Variants in SLC9A1 observed in about 807,000 individuals in gnomAD.
The protein encoded by SLC9A1 is solute carrier family 9 member A1.
Under a neutral mutation model 67.9 loss-of-function variants are expected in SLC9A1, and 22 were observed. The ratio of observed to expected loss-of-function variants is 0.32; its 90% CI spans 0.23 to 0.46. SLC9A1 has a LOEUF of 0.46. Among genes scored for constraint, SLC9A1 ranks in the 20% least tolerant of loss-of-function variants. SLC9A1 has a pLI of 1.00. For missense variants in SLC9A1, 686 were observed against 1,094.8 expected, an observed-to-expected ratio of 0.63 and a Z score of 5.27; for synonymous variants, 421 against 471.8, an observed-to-expected ratio of 0.89 and a Z score of 1.40.
chr1:27,147,615 C>T (rs2083496835), intron 1 of SLC9A1, among the ~76,000 whole-genome samples: 5 of 151,978 alleles, frequency 3.3e-5, no homozygotes, highest in Admixed American at 3.3e-4. Flanking sequence ...CCAGCCTGGA[C>T]AACAAAATTG....
chr1:27,147,299 CAAAAAAAAAAA>C (rs57583944), intron 1 of SLC9A1, among the ~76,000 whole-genome samples: 1 of 43,958 alleles, frequency 2.3e-5, no homozygotes, highest in Non-Finnish European at 4.0e-5. Context: ...GACTCTGTCT[CAAAAAAAAAAA>C]AAAAAAAAAA....
intron 2 of SLC9A1, among the ~76,000 whole-genome samples, chr1:27,112,552 G>A (rs2083235523): frequency 6.6e-6 from 1 of 152,186 alleles, no homozygotes; most frequent in Non-Finnish European, 1.5e-5. Context: ...TGCAGACCCT[G>A]GAGGAAAGCA....
rs1467853276 is a variant in SLC9A1, at chr1:27,114,656, G to A, written c.353-370C>T. On this transcript the variant is annotated intron_variant, in intron 1 of 11. Transcript: ENST00000263980. This position sits in a 1 kb window ranked among gnomAD's most constrained non-coding sequence, Gnocchi z 5.4. ...CCAAGTACCTACGGGCATCACCTAC[G>A]CCTGAACCCAAGGCATTATTCCAGG... 1.3e-5 allele frequency among the ~76,000 whole-genome samples: 2 copies of A among 152,146 alleles called. No homozygotes were observed. The highest frequency in any genetic ancestry group is 1.5e-5 in the Non-Finnish European group (1 of 68,038).
chr1:27,140,829 A>G (rs1256884146), intron 1 of SLC9A1, among the ~76,000 whole-genome samples: 1 of 152,172 alleles, frequency 6.6e-6, no homozygotes, highest in Non-Finnish European at 1.5e-5. Flanking sequence ...AATGTTATGT[A>G]GGAGAAATGG....
In SLC9A1 at chr1:27,154,248, C is replaced by A; in HGVS notation, c.87G>T (p.Leu29=). 6.2e-7 allele frequency: 1 copy of A among 1,613,916 alleles called. No individual in the cohort carries two copies. Among genetic ancestry groups the A allele is most frequent in the South Asian group, 1.1e-5 (1 of 91,038 alleles). The part of the protein sequence containing the change: ...LLVVVALVGL[L]PVLRSHGLQL... ...GGAGGCCATGGCTCCTGAGAACAGG[C>A]AGCAGCCCCACCAAAGCAACCACCA... is the stretch of plus-strand genomic sequence containing the variant. The change falls in exon 1 of 12, where the codon CTG becomes CTT. Residue 29 remains leucine (L), a synonymous_variant. Transcript: ENST00000263980.
chr1:27,127,590 G>A (rs1314399678), intron 1 of SLC9A1, among the ~76,000 whole-genome samples: 1 of 152,194 alleles, frequency 6.6e-6, no homozygotes, highest in Non-Finnish European at 1.5e-5. Flanking sequence ...TCACCCTGCT[G>A]AGCCAGGCAG....
chr1:27,134,579 A>G (rs2083406348), intron 1 of SLC9A1, among the ~76,000 whole-genome samples: 1 of 152,250 alleles, frequency 6.6e-6, no homozygotes, highest in African/African-American at 2.4e-5. Flanking sequence ...TCCACCTAGA[A>G]GGAAATCTGC....
At position 27,131,948 on chromosome 1, in the gene SLC9A1, ATATAT is replaced by A. The variant is rs374872077; in HGVS notation, c.353-17667_353-17663del. Among the ~76,000 whole-genome samples the A allele has an allele frequency of 4.2e-3, 382 of 91,394 alleles. 17 individuals are homozygous for A. The highest frequency in any genetic ancestry group is 0.013 in the African/African-American group (273 of 20,402). The allele number at this position is 91,394 out of a possible 152,430, so 60.0% of individuals were successfully genotyped here. A position where few individuals can be genotyped will look rare whatever the true frequency, so the allele number is the denominator to read the frequency against. On this transcript the variant is annotated intron_variant, in intron 1 of 11. Transcript: ENST00000263980. ...AAAGAAGAAGAAGAAGAAAAAAAAA[ATATAT>A]ATATATATATATATATATATATATA...
chr1:27,133,137 A>G (rs1455604203), intron 1 of SLC9A1, among the ~76,000 whole-genome samples: 1 of 150,926 alleles, frequency 6.6e-6, no homozygotes, highest in Non-Finnish European at 1.5e-5. Flanking sequence ...GTGTGATCTC[A>G]GCTCACTGCA....
intron 1 of SLC9A1, among the ~76,000 whole-genome samples, chr1:27,151,815 C>T (rs1004946353): frequency 2.0e-5 from 3 of 152,174 alleles, no homozygotes; most frequent in African/African-American, 7.2e-5. Flanking sequence ...CTTTAGACCA[C>T]CTTTCTCTCC....
In SLC9A1 at chr1:27,101,326, C is replaced by T. The variant is rs1473931099; in HGVS notation, c.2038-51G>A. The T allele has an allele frequency of 6.8e-7, 1 of 1,473,086 alleles. No homozygotes were observed. The highest frequency in any genetic ancestry group is 1.1e-5 in the South Asian group (1 of 87,952). 91.3% of individuals were successfully genotyped at this position (1,473,086 alleles called of 1,614,324 possible). A position where few individuals can be genotyped will look rare whatever the true frequency, so the allele number is the denominator to read the frequency against. ...GCACAGGCAGCTGGGCAGAGGGAGC[C>T]CCTCAGGACAGAACCCGGCCAGTGC... On this transcript the variant is annotated intron_variant, in intron 10 of 11. Coordinates refer to ENST00000263980, the MANE Select transcript of SLC9A1 (RefSeq NM_003047.5). The surrounding 1 kb of genome is among the most constrained non-coding windows in gnomAD (Gnocchi z 4.9).
Position 27,101,855 on chromosome 1 carries a change from C to G in SLC9A1, c.1936-29G>C. ...TGGGAGGGACAGCGTCAGGGCAGTG[C>G]GGGCCCCGGAAGGCTCTGCTCATGG... On this transcript the variant is annotated intron_variant, in intron 9 of 11. Coordinates refer to ENST00000263980, the MANE Select transcript of SLC9A1 (RefSeq NM_003047.5). This position sits in a 1 kb window ranked among gnomAD's most constrained non-coding sequence, Gnocchi z 4.9. 3 of 1,559,382 alleles carry G rather than the reference C, an allele frequency of 1.9e-6. No homozygotes were observed. Among genetic ancestry groups the G allele is most frequent in the Non-Finnish European group, 2.6e-6 (3 of 1,134,106 alleles).
intron 1 of SLC9A1, among the ~76,000 whole-genome samples, chr1:27,131,947 A>AAAAAAAAAAAAAAAATATAT: frequency 3.8e-5 from 2 of 52,124 alleles, no homozygotes; most frequent in African/African-American, 6.4e-5. Context: ...AGAAAAAAAA[A>AAAAAAAAAAAAAAAATATAT]ATATATATAT....
chr1:27,142,907 C>T (rs1034839943), intron 1 of SLC9A1, among the ~76,000 whole-genome samples: 3 of 152,092 alleles, frequency 2.0e-5, no homozygotes, highest in Non-Finnish European at 2.9e-5. Context: ...CCCCACTCAT[C>T]CCAGAATTAA....
Position 27,113,897 on chromosome 1 carries a change from C to A in SLC9A1, c.742G>T (p.Glu248Ter). The A allele has an allele frequency of 6.2e-7, 1 of 1,614,244 alleles. No homozygotes were observed. Among genetic ancestry groups the A allele is most frequent in the Non-Finnish European group, 8.5e-7 (1 of 1,180,048 alleles). Residue 248 changes from glutamate (E) to a stop codon, truncating the protein, a stop_gained, in exon 2 of 12, where the codon GAA (glutamate) becomes TAA (stop). Coordinates refer to ENST00000263980, the MANE Select transcript of SLC9A1 (RefSeq NM_003047.5). LOFTEE classifies it high-confidence loss of function. ...DPVAVLAVFE[E>*]IHINELLHIL... Reference sequence around the variant, plus strand: ...TGCAGCAGCTCATTGATGTGAATTTCCTCAAAGACAGCCAGAACCGCCACG... The same window carrying A: ...TGCAGCAGCTCATTGATGTGAATTTACTCAAAGACAGCCAGAACCGCCACG...
chr1:27,133,702 C>T (rs1299602352), intron 1 of SLC9A1, among the ~76,000 whole-genome samples: 1 of 151,956 alleles, frequency 6.6e-6, no homozygotes, highest in South Asian at 2.1e-4. Flanking sequence ...GGATGTTGGG[C>T]ATACTTCACT....
At chr1:27,136,739 T>A (rs2083422885) in intron 1 of SLC9A1, among the ~76,000 whole-genome samples, 1 of 152,314 alleles carries the variant, frequency 6.6e-6, no homozygotes, top group East Asian at 1.9e-4. Context: ...GTTTCCCATC[T>A]GATCAGTTTC....
At chr1:27,104,385 C>T (rs1226049883) in intron 5 of SLC9A1, among the ~76,000 whole-genome samples, 1 of 151,480 alleles carries the variant, frequency 6.6e-6, no homozygotes. Context: ...CCCAGCCTCT[C>T]TCCTTTTTCT....
At chr1:27,135,724 G>C (rs2083416544) in intron 1 of SLC9A1, among the ~76,000 whole-genome samples, 1 of 152,184 alleles carries the variant, frequency 6.6e-6, no homozygotes, top group Non-Finnish European at 1.5e-5. Context: ...CCCATCAACA[G>C]GAGAGTGAGC....
Sources: gnomAD v4.1 joint callset for allele counts (sites outside exome capture counted in the v4.1 genomes callset) on GRCh38, gnomAD v4.1.1 for gene constraint, Gnocchi (gnomAD v3.1) non-coding constraint, MANE v1.5 for transcripts, NCBI Gene and HGNC (gene_info 2026-07-23, HGNC 2026-07-21) for gene names.